The following SPICE1 variants were observed in gnomAD, a reference collection of about 807,000 sequenced individuals.
The protein encoded by SPICE1 is spindle and centriole-associated protein 1.
In SPICE1, 75 loss-of-function variants were observed where a neutral mutation model predicts 102.7. The observed-to-expected ratio is 0.73, with a 90% CI of 0.61 to 0.88. SPICE1 has a LOEUF of 0.88. Ranked by LOEUF, SPICE1 falls within the 40% of genes least tolerant of loss-of-function variation. The pLI is 0.00. For missense variants in SPICE1, 979 were observed against 1,020.1 expected (o/e 0.96, Z 0.55); for synonymous variants, 308 against 350.3 (o/e 0.88, Z 1.35).
chr3:113,513,291 G>C (rs1430285728), intron 1 of SPICE1, among the ~76,000 whole-genome samples: 1 of 152,020 alleles, frequency 6.6e-6, no homozygotes, highest in Non-Finnish European at 1.5e-5. Context: ...AGTGCCTATA[G>C]TTTCAGCTAC....
chr3:113,495,539 T>A (rs1474315250), intron 4 of SPICE1, among the ~76,000 whole-genome samples: 1 of 152,190 alleles, frequency 6.6e-6, no homozygotes, highest in Non-Finnish European at 1.5e-5. Flanking sequence ...CCCAGAAGAC[T>A]GAGAGTCCAG....
intron 7 of SPICE1, among the ~76,000 whole-genome samples, chr3:113,469,991 T>TA (rs1936158064): frequency 6.6e-6 from 1 of 152,170 alleles, no homozygotes; most frequent in Non-Finnish European, 1.5e-5. Flanking sequence ...AGGGGCTAGA[T>TA]AGAGTGAGAA....
chr3:113,455,629 T>C (rs1307079632), intron 13 of SPICE1, among the ~76,000 whole-genome samples: 1 of 152,210 alleles, frequency 6.6e-6, no homozygotes, highest in African/African-American at 2.4e-5. Context: ...GCCCTATGTA[T>C]CACCCATTTT....
At chr3:113,495,460 A>C (rs1262987834) in intron 4 of SPICE1, among the ~76,000 whole-genome samples, 1 of 152,228 alleles carries the variant, frequency 6.6e-6, no homozygotes, top group African/African-American at 2.4e-5. Flanking sequence ...CAGTGAGAAG[A>C]AAGCCCTGAA....
At chr3:113,457,482 G>A (rs1040847595) in intron 12 of SPICE1, 125 bp from the exon 13 acceptor site, 2 of 906,356 alleles carry the variant, frequency 2.2e-6, no homozygotes, top group Non-Finnish European at 1.7e-6. Context: ...ATAGCTCCTG[G>A]AGCCTTCACT....
intron 1 of SPICE1, among the ~76,000 whole-genome samples, chr3:113,507,085 C>T (rs1429132098): frequency 6.6e-6 from 1 of 152,088 alleles, no homozygotes; most frequent in Non-Finnish European, 1.5e-5. Context: ...ATAAAAGTAG[C>T]TAAACTTTAG....
intron 14 of SPICE1, 63 bp from the exon 15 acceptor site, chr3:113,450,579 ATTTT>A: frequency 9.6e-5 from 116 of 1,214,496 alleles, no homozygotes; most frequent in East Asian, 1.2e-4. Flanking sequence ...CTCTCCCACG[ATTTT>A]TTTTTTTTTT....
intron 3 of SPICE1, among the ~76,000 whole-genome samples, chr3:113,502,458 A>T (rs77733309): frequency 6.6e-6 from 1 of 152,210 alleles, no homozygotes; most frequent in Non-Finnish European, 1.5e-5. Flanking sequence ...AGCACAAAGT[A>T]CATTGGTCAT....
At chr3:113,489,576 T>C (rs13066742) in intron 6 of SPICE1, among the ~76,000 whole-genome samples, 30,032 of 152,144 alleles carry the variant, frequency 0.2, 3,146 homozygotes, top group African/African-American at 0.26. Flanking sequence ...CCAGGTGTGG[T>C]GGCTCATGCC....
intron 7 of SPICE1, among the ~76,000 whole-genome samples, chr3:113,483,951 G>T (rs1936582028): frequency 6.6e-6 from 1 of 152,168 alleles, no homozygotes; most frequent in South Asian, 2.1e-4. Context: ...CAGAAGGAGT[G>T]GTACCAGCTT....
rs1559972346 is a variant in SPICE1, at chr3:113,491,646, A to AAAAAAAAAAAAAAT, written c.492+1559_492+1560insATTTTTTTTTTTTT. Among the ~76,000 whole-genome samples the AAAAAAAAAAAAAAT allele has an allele frequency of 4.7e-5, 7 of 150,388 alleles. 2 individuals carry two copies. The highest frequency in any genetic ancestry group is 1.3e-4 in the Admixed American group (2 of 15,194). On this transcript the variant is annotated intron_variant, in intron 6 of 17. Transcript: ENST00000295872. ...TCTCAAAAAAAAAAAAAAAAAAAAAAAAAGATTATCTATAGCAACACCAAT... is the reference window on the plus strand; with the variant it reads ...TCTCAAAAAAAAAAAAAAAAAAAAAAAAAAAAAAAAAAATAAAGATTATCTATAGCAACACCAAT...
intron 7 of SPICE1, among the ~76,000 whole-genome samples, chr3:113,483,860 A>C (rs965758276): frequency 1.3e-5 from 2 of 152,116 alleles, no homozygotes; most frequent in African/African-American, 4.8e-5. Flanking sequence ...TGTCTCTGCC[A>C]GGATTTGGTA....
At chr3:113,447,806 G>A (rs1022382076) in intron 16 of SPICE1, among the ~76,000 whole-genome samples, 3 of 152,098 alleles carry the variant, frequency 2.0e-5, no homozygotes, top group African/African-American at 7.2e-5. Context: ...CTCTACATAC[G>A]TGTTATCTCA....
At chr3:113,505,968 T>A (rs1937100384) in intron 2 of SPICE1, among the ~76,000 whole-genome samples, 1 of 152,122 alleles carries the variant, frequency 6.6e-6, no homozygotes, top group African/African-American at 2.4e-5. Flanking sequence ...GAGCCATACA[T>A]CACATGTTAC....
chr3:113,458,920 C>T (rs534673585), intron 12 of SPICE1, among the ~76,000 whole-genome samples: 1 of 152,114 alleles, frequency 6.6e-6, no homozygotes, highest in African/African-American at 2.4e-5. Flanking sequence ...GGGAGGTGTA[C>T]CCAACAGCTC....
chr3:113,481,524 T>C (rs1936503363), intron 7 of SPICE1, among the ~76,000 whole-genome samples: 1 of 152,002 alleles, frequency 6.6e-6, no homozygotes, highest in Admixed American at 6.6e-5. Context: ...CATCAACCTG[T>C]CACCTACATT....
intron 6 of SPICE1, among the ~76,000 whole-genome samples, chr3:113,490,445 C>T (rs922141712): frequency 9.9e-5 from 15 of 151,958 alleles, no homozygotes; most frequent in African/African-American, 3.1e-4. Flanking sequence ...AGTTTGAGAC[C>T]AGCTTGGGCA....
intron 7 of SPICE1, among the ~76,000 whole-genome samples, chr3:113,474,944 G>A (rs1193113851): frequency 8.5e-5 from 13 of 152,084 alleles, no homozygotes; most frequent in Non-Finnish European, 5.9e-5. Flanking sequence ...GAGCAGAACC[G>A]AAGGAAACAG....
At chr3:113,464,747 A>G (rs78153890) in intron 11 of SPICE1, among the ~76,000 whole-genome samples, 4,431 of 152,290 alleles carry the variant, frequency 0.029, 110 homozygotes, top group East Asian at 0.1. Flanking sequence ...TCTCAGTAAC[A>G]AGTACACATA....
Sources: gnomAD v4.1 joint callset for allele counts (sites outside exome capture counted in the v4.1 genomes callset) on GRCh38, gnomAD v4.1.1 for gene constraint, MANE v1.5 for transcripts, NCBI Gene and HGNC (gene_info 2026-07-23, HGNC 2026-07-21) for gene names.